The following HELLS variants were observed in gnomAD, a reference collection of about 807,000 sequenced individuals.
The protein encoded by HELLS is lymphoid-specific helicase.
In HELLS, 32 loss-of-function variants were observed where a neutral mutation model predicts 120.0. The observed-to-expected ratio is 0.27, with a 90% CI of 0.20 to 0.36. HELLS has a LOEUF of 0.36. Among genes scored for constraint, HELLS ranks in the 10% least tolerant of loss-of-function variants. The probability of loss-of-function intolerance (pLI) is 1.00; values close to 1 mark genes in which losing one functional copy is unlikely to be tolerated. For synonymous variants in HELLS, 341 were observed against 323.4 expected (o/e 1.05, Z -0.58); for missense variants, 650 against 993.4 (o/e 0.65, Z 4.65).
intron 19 of HELLS, among the ~76,000 whole-genome samples, chr10:94,596,050 G>T (rs1845723284): frequency 6.6e-6 from 1 of 152,072 alleles, no homozygotes; most frequent in African/African-American, 2.4e-5. Context: ...CGAACACCTG[G>T]ACTCAAGTGA....
At chr10:94,576,318 AT>A (rs1332398180) in intron 9 of HELLS, among the ~76,000 whole-genome samples, 1 of 151,936 alleles carries the variant, frequency 6.6e-6, no homozygotes, top group Non-Finnish European at 1.5e-5. Context: ...ACACCAGCTA[AT>A]TTTTGTATTT....
At chr10:94,574,912 T>A (rs1156901905) in intron 9 of HELLS, among the ~76,000 whole-genome samples, 176 bp downstream of exon 9, 1 of 152,132 alleles carries the variant, frequency 6.6e-6, no homozygotes, top group Non-Finnish European at 1.5e-5. Flanking sequence ...ATAGTATAGG[T>A]TTTGGAAATC....
At chr10:94,560,720 A>G (rs1843510734) in intron 4 of HELLS, among the ~76,000 whole-genome samples, 1 of 151,726 alleles carries the variant, frequency 6.6e-6, no homozygotes, top group Non-Finnish European at 1.5e-5. Context: ...AAATAAATAC[A>G]TAAAACTGGT....
intron 12 of HELLS, among the ~76,000 whole-genome samples, chr10:94,586,817 G>A (rs959067675): frequency 1.3e-5 from 2 of 151,888 alleles, no homozygotes; most frequent in Non-Finnish European, 2.9e-5. Context: ...TCAGCCTTCC[G>A]AGTAGCTGGG....
chr10:94,601,459 G>T (rs1251781804), intron 21 of HELLS, 69 bp from the exon 22 acceptor site: 4 of 831,646 alleles, frequency 4.8e-6, no homozygotes, highest in South Asian at 1.5e-5. Flanking sequence ...ACATCATATT[G>T]GATGTTTCTT....
intron 12 of HELLS, 28 bp from the exon 13 acceptor site, chr10:94,588,201 T>C (rs1422861563): frequency 3.6e-6 from 5 of 1,404,090 alleles, no homozygotes; most frequent in South Asian, 1.2e-5. Context: ...TTAATACTCA[T>C]ATTTTTCTGT....
chr10:94,551,608 A>G (rs1842982259), intron 2 of HELLS, among the ~76,000 whole-genome samples: 1 of 152,134 alleles, frequency 6.6e-6, no homozygotes, highest in African/African-American at 2.4e-5. Context: ...AGCTATAGTG[A>G]TGATGTAATA....
At position 94,551,527 on chromosome 10, in the gene HELLS, A is replaced by G. The variant is rs570701227; in HGVS notation, c.154-2599A>G. 8.5e-5 allele frequency among the ~76,000 whole-genome samples: 13 copies of G among 152,168 alleles called. No individual in the cohort carries two copies. The East Asian group carries it at 2.5e-3, about 30-fold the overall frequency. On this transcript the variant is annotated intron_variant, in intron 2 of 21. Coordinates refer to ENST00000348459, the MANE Select transcript of HELLS (RefSeq NM_018063.5). ...GGCAGAGGTGAGCCAGGATTGTGCC[A>G]CTGCACTCCAGCCTGGGCAACAGAG...
At chr10:94,559,432 A>ATTTAT (rs1039327041) in intron 4 of HELLS, among the ~76,000 whole-genome samples, 75 of 151,642 alleles carry the variant, frequency 4.9e-4, no homozygotes, top group South Asian at 4.6e-3. Flanking sequence ...ATATTTATTT[A>ATTTAT]TTTATTTTAT....
rs771013799 is a variant in HELLS, at chr10:94,590,406, C to T, written c.1489-7C>T. On this transcript the variant is annotated splice_region_variant and splice_polypyrimidine_tract_variant and intron_variant, in intron 13 of 21. Transcript: ENST00000348459. ...AACTGAATTTCTTTTAATTCGTTCC[C>T]TTTTAGAAAGAAACAATTGAGTTAA... 15 of 1,594,800 alleles carry T rather than the reference C, an allele frequency of 9.4e-6. No homozygotes were observed. In the South Asian group the frequency reaches 1.5e-4, roughly 16 times the overall value.
intron 4 of HELLS, 123 bp from the exon 5 acceptor site, chr10:94,562,567 GA>G: frequency 3.1e-6 from 2 of 655,178 alleles, no homozygotes. Flanking sequence ...GTATAATAGT[GA>G]AAAATTGTGG....
chr10:94,581,385 C>T lies in HELLS; in HGVS notation c.1092C>T (p.Cys364=), dbSNP rs148654017. The T allele has an allele frequency of 4.3e-6, 7 of 1,610,332 alleles. No homozygotes were observed. The African/African-American group carries it at 5.3e-5, about 12-fold the overall frequency. ...GACACAGGATTAAGAATATGAAGTGCCGTCTAATCAGGGAGTTAAAACGAT... is the reference window on the plus strand; with the variant it reads ...GACACAGGATTAAGAATATGAAGTGTCGTCTAATCAGGGAGTTAAAACGAT... The part of the protein sequence containing the change: ...DEGHRIKNMK[C]RLIRELKRFN... Residue 364 remains cysteine (C), a synonymous_variant, in exon 11 of 22, where the codon TGC becomes TGT. Coordinates refer to ENST00000348459, the MANE Select transcript of HELLS (RefSeq NM_018063.5).
chr10:94,599,542 A>C (rs1428604602), intron 21 of HELLS, among the ~76,000 whole-genome samples: 1 of 152,090 alleles, frequency 6.6e-6, no homozygotes, highest in Non-Finnish European at 1.5e-5. Flanking sequence ...TATTTTGTAG[A>C]GACAGGGGTT....
intron 6 of HELLS, chr10:94,570,687 G>T (rs775890984): frequency 6.6e-6 from 1 of 151,750 alleles, no homozygotes; most frequent in African/African-American, 2.4e-5. Context: ...ACATACTCGG[G>T]TATTGTTTGT....
intron 12 of HELLS, among the ~76,000 whole-genome samples, chr10:94,586,131 A>G (rs1197667579): frequency 6.6e-6 from 1 of 150,856 alleles, no homozygotes; most frequent in Admixed American, 6.6e-5. Context: ...ATTTATTTTT[A>G]TTTTTTTGAG....
chr10:94,586,359 G>A (rs531889527), intron 12 of HELLS, among the ~76,000 whole-genome samples: 2 of 152,284 alleles, frequency 1.3e-5, no homozygotes, highest in Admixed American at 1.3e-4. Context: ...CTGACCTCGT[G>A]ATCCGCCTGC....
chr10:94,611,340 G>A (rs1171877639), exon 10 of HELLS: 3 of 152,104 alleles, frequency 2.0e-5, no homozygotes, highest in Non-Finnish European at 4.4e-5. Flanking sequence ...GTGAAAGAGT[G>A]TACATAAAGT....
At position 94,576,724 on chromosome 10, in the gene HELLS, C is replaced by CA; in HGVS notation, c.954dup (p.Arg319ThrfsTer16). ...GTCAAAAATTGGTAAGAAATATTTA[C>CA]AAACGGAAAGGGACTTTGCAGATTC... is the stretch of plus-strand genomic sequence containing the variant. On this transcript the variant is annotated frameshift_variant, in exon 10 of 22. Transcript: ENST00000348459. LOFTEE classifies it high-confidence loss of function. The CA allele has an allele frequency of 6.2e-7, 1 of 1,611,386 alleles. No individual in the cohort carries two copies.
At chr10:94,554,001 G>T in intron 2 of HELLS, 125 bp from the exon 3 acceptor site, 1 of 788,920 alleles carries the variant, frequency 1.3e-6, no homozygotes, top group Non-Finnish European at 2.0e-6. Flanking sequence ...ATTTGTTCCA[G>T]TTTTTGGTTT....
Sources: allele counts gnomAD v4.1 joint callset (sites outside exome capture counted in the v4.1 genomes callset), GRCh38; gene constraint gnomAD v4.1.1; transcripts MANE v1.5; gene names NCBI Gene and HGNC (gene_info 2026-07-23, HGNC 2026-07-21).